CKAP5: variants seen among roughly 807,000 people sequenced by gnomAD.
CKAP5 encodes the protein cytoskeleton associated protein 5, also known as cytoskeleton-associated protein 5.
A neutral mutation model predicts 232.8 loss-of-function variants in CKAP5; 27 were observed. The ratio of observed to expected loss-of-function variants is 0.12; its 90% CI spans 0.09 to 0.16. The LOEUF is 0.16. Among genes scored for constraint, CKAP5 ranks in the 10% least tolerant of loss-of-function variants. The pLI is 1.00. For synonymous variants in CKAP5, 785 were observed against 841.1 expected, an observed-to-expected ratio of 0.93 and a Z score of 1.16; for missense variants, 1,838 against 2,424.7, an observed-to-expected ratio of 0.76 and a Z score of 5.08.
chr11:46,752,193 T>TATATATATACATAC (rs1408030107), intron 38 of CKAP5, among the ~76,000 whole-genome samples: 1 of 66,574 alleles, frequency 1.5e-5, no homozygotes, highest in African/African-American at 5.1e-5. Flanking sequence ...TATATATATA[T>TATATATATACATAC]ACACACACAC....
At chr11:46,773,882 A>G (rs2065270197) in intron 24 of CKAP5, among the ~76,000 whole-genome samples, 1 of 152,172 alleles carries the variant, frequency 6.6e-6, no homozygotes, top group Admixed American at 6.5e-5. Context: ...GATTTTAATT[A>G]GAGCTATTTA....
intron 20 of CKAP5, among the ~76,000 whole-genome samples, chr11:46,779,192 G>C (rs1322820738): frequency 6.6e-6 from 1 of 151,942 alleles, no homozygotes; most frequent in African/African-American, 2.4e-5. Flanking sequence ...GGAGTGCAGT[G>C]GCATGATCTT....
At chr11:46,784,141 G>T (rs1033614803) in intron 17 of CKAP5, among the ~76,000 whole-genome samples, 2 of 152,016 alleles carry the variant, frequency 1.3e-5, no homozygotes, top group African/African-American at 4.8e-5. Flanking sequence ...GGCCGAGGCA[G>T]GCAGATCACC....
At chr11:46,829,834 T>TTGTG (rs749138690) in intron 1 of CKAP5, among the ~76,000 whole-genome samples, 95 of 110,734 alleles carry the variant, frequency 8.6e-4, no homozygotes, top group Non-Finnish European at 1.5e-3. Context: ...AATTCCTTTT[T>TTGTG]TGTATGTGTG....
intron 11 of CKAP5, among the ~76,000 whole-genome samples, chr11:46,797,193 C>T (rs964579398): frequency 2.0e-5 from 3 of 152,062 alleles, no homozygotes; most frequent in African/African-American, 7.3e-5. Context: ...CATGGTGAAA[C>T]CCCATCTCTA....
At chr11:46,747,563 T>C (rs1322614665) in intron 42 of CKAP5, among the ~76,000 whole-genome samples, 1 of 136,888 alleles carries the variant, frequency 7.3e-6, no homozygotes, top group East Asian at 2.2e-4. Flanking sequence ...GATCGTGCCA[T>C]AGCACTCCAG....
chr11:46,782,045 G>A (rs2065347174), intron 18 of CKAP5, among the ~76,000 whole-genome samples: 1 of 151,966 alleles, frequency 6.6e-6, no homozygotes, highest in South Asian at 2.1e-4. Flanking sequence ...GGCTGGTCTC[G>A]AACTCCTGAC....
chr11:46,780,382 C>T (rs1347372140), intron 19 of CKAP5, 46 bp downstream of exon 19: 4 of 1,613,308 alleles, frequency 2.5e-6, no homozygotes, highest in African/African-American at 1.3e-5. Flanking sequence ...CTTTTTAAAT[C>T]CACAAAGATG....
At chr11:46,834,614 T>G (rs1246371060) in intron 1 of CKAP5, among the ~76,000 whole-genome samples, 2 of 151,992 alleles carry the variant, frequency 1.3e-5, no homozygotes, top group African/African-American at 4.8e-5. Context: ...AACAAACTGC[T>G]TCTCTGGGTG....
At chr11:46,807,853 T>A (rs1415986477) in intron 8 of CKAP5, among the ~76,000 whole-genome samples, 178 bp downstream of exon 8, 1 of 152,126 alleles carries the variant, frequency 6.6e-6, no homozygotes, top group Non-Finnish European at 1.5e-5. Flanking sequence ...AGATTGAAAA[T>A]GAAACTAACC....
intron 13 of CKAP5, among the ~76,000 whole-genome samples, chr11:46,793,795 G>T (rs939895795): frequency 3.9e-5 from 6 of 152,166 alleles, no homozygotes; most frequent in Non-Finnish European, 5.9e-5. Flanking sequence ...ATGGTGGCAG[G>T]TGCCTGTAAA....
intron 1 of CKAP5, among the ~76,000 whole-genome samples, chr11:46,838,589 T>C (rs1939969494): frequency 8.0e-6 from 1 of 124,322 alleles, no homozygotes; most frequent in Non-Finnish European, 1.6e-5. Flanking sequence ...AAGACCATCC[T>C]GGGCAACATA....
Position 46,819,278 on chromosome 11 carries a change from C to A in CKAP5, c.58-775G>T, listed in dbSNP as rs115235994. Among the ~76,000 whole-genome samples, 830 of 152,006 alleles carry A rather than the reference C, an allele frequency of 5.5e-3. 7 individuals carry two copies. Among genetic ancestry groups the A allele is most frequent in the African/African-American group, 0.019 (800 of 41,456 alleles). ...GGGAGACAGAACATTCCAGAAGGAACAGTATACTCCAAGGCCCTATGGCAG... is the reference window on the plus strand; with the variant it reads ...GGGAGACAGAACATTCCAGAAGGAAAAGTATACTCCAAGGCCCTATGGCAG... On this transcript the variant is annotated intron_variant, in intron 2 of 43. Transcript: ENST00000529230.
intron 37 of CKAP5, 37 bp downstream of exon 37, chr11:46,753,273 A>C: frequency 6.6e-7 from 1 of 1,509,542 alleles, no homozygotes; most frequent in African/African-American, 1.4e-5. Context: ...AAAAGCGAGG[A>C]TGCCCCAGGC....
At chr11:46,764,617 A>G (rs770150756) in intron 28 of CKAP5, among the ~76,000 whole-genome samples, 2 of 152,250 alleles carry the variant, frequency 1.3e-5, no homozygotes, top group African/African-American at 2.4e-5. Flanking sequence ...CTGGAGTAAT[A>G]CATTGAAAAA....
chr11:46,791,876 A>G (rs1425726525), intron 13 of CKAP5, among the ~76,000 whole-genome samples: 1 of 152,208 alleles, frequency 6.6e-6, no homozygotes, highest in Non-Finnish European at 1.5e-5. Flanking sequence ...CCAAACCTAA[A>G]AAGAAAAGAT....
chr11:46,761,121 C>T (rs985115516), intron 32 of CKAP5, among the ~76,000 whole-genome samples: 2 of 151,842 alleles, frequency 1.3e-5, no homozygotes, highest in African/African-American at 2.4e-5. Flanking sequence ...TGGTGGCACG[C>T]GCCTGTAGTC....
intron 1 of CKAP5, among the ~76,000 whole-genome samples, chr11:46,826,520 T>C (rs1170646004): frequency 1.3e-5 from 2 of 152,082 alleles, no homozygotes; most frequent in Admixed American, 6.5e-5. Context: ...AAGAACCAGG[T>C]GGGGGCAAAG....
At chr11:46,771,121 T>C (rs2065244327) in intron 24 of CKAP5, 139 bp from the exon 25 acceptor site, 3 of 632,704 alleles carry the variant, frequency 4.7e-6, no homozygotes, top group Non-Finnish European at 5.3e-6. Flanking sequence ...AATCAGTACT[T>C]TTCATAATTC....
Sources: allele counts gnomAD v4.1 joint callset (sites outside exome capture counted in the v4.1 genomes callset), GRCh38; gene constraint gnomAD v4.1.1; transcripts MANE v1.5; gene names NCBI Gene and HGNC (gene_info 2026-07-23, HGNC 2026-07-21).